CNOT1: variants seen among roughly 807,000 people sequenced by gnomAD.
CNOT1 encodes CCR4-NOT transcription complex subunit 1.
CNOT1 carries 15 observed loss-of-function variants against 273.8 expected under a neutral mutation model. The ratio of observed to expected loss-of-function variants is 0.05; its 90% confidence interval spans 0.04 to 0.08. The LOEUF (loss-of-function observed/expected upper bound fraction) is 0.08, where lower values mean the gene tolerates loss of function less well. Ranked by LOEUF, CNOT1 falls within the 10% of genes least tolerant of loss-of-function variation. CNOT1 has a pLI of 1.00. For synonymous variants in CNOT1, 1,022 were observed against 1,005.5 expected (o/e 1.02, Z -0.31); for missense variants, 1,644 against 2,912.2 (o/e 0.56, Z 10.02).
intron 16 of CNOT1, 115 bp from the exon 17 acceptor site, chr16:58,560,477 G>C (rs1014597428): frequency 2.1e-6 from 3 of 1,458,688 alleles, no homozygotes; most frequent in African/African-American, 1.4e-5. Context: ...CTGTCACCCA[G>C]ACTGGAGTGC....
intron 25 of CNOT1, chr16:58,548,478 G>A: frequency 2.0e-6 from 1 of 511,668 alleles, no homozygotes; most frequent in Non-Finnish European, 3.9e-6. Flanking sequence ...CTTGCTATCA[G>A]ATAATAAAAA....
In CNOT1 at chr16:58,547,433, G is replaced by C; in HGVS notation, c.3639+133C>G. 1 of 1,504,056 alleles carries C rather than the reference G, an allele frequency of 6.6e-7. No homozygotes were observed. The highest frequency in any genetic ancestry group is 8.9e-7 in the Non-Finnish European group (1 of 1,119,332). The allele number at this position is 1,504,056 out of a possible 1,614,324, so 93.2% of individuals were successfully genotyped here. A position where few individuals can be genotyped will look rare whatever the true frequency, so the allele number is the denominator to read the frequency against. On this transcript the variant is annotated intron_variant, in intron 26 of 48. Transcript: ENST00000317147. This position sits in a 1 kb window ranked among gnomAD's most constrained non-coding sequence, Gnocchi z 4.0. The stretch of plus-strand genomic sequence containing the variant: ...ATGTCTAGTCCTTGCCTTACAAAAA[G>C]GGGTTAACAACTCAAAACGTGGGCC...
At chr16:58,605,962 C>G (rs2042661868) in intron 1 of CNOT1, among the ~76,000 whole-genome samples, 1 of 152,082 alleles carries the variant, frequency 6.6e-6, no homozygotes, top group South Asian at 2.1e-4. Context: ...AGCCAAATTA[C>G]CTTGTTTCCC....
rs747411541 is a variant in CNOT1 at position 58,545,388 on chromosome 16, C to G, written c.4110G>C (p.Leu1370Phe). ...HDINVYSLAG[L>F]APHITLNPTI... ...TTGGATTCAGAGTAATGTGTGGTGC[C>G]AAGCCCGCAAGGGAATAGACATTGA... The change falls in exon 30 of 49, where the codon TTG becomes TTC. Residue 1370 changes from leucine (L) to phenylalanine (F), a missense_variant. Physicochemically the swap from Leu to Phe is conservative, Grantham distance 22. Around this residue, in one of 13 missense-constraint regions of CNOT1, gnomAD observed 133 missense variants for 230.4 expected, o/e 0.58. Transcript: ENST00000317147. 1.5e-5 allele frequency: 25 copies of G among 1,613,968 alleles called. No homozygotes were observed. The highest frequency in any genetic ancestry group is 2.1e-5 in the Non-Finnish European group (25 of 1,179,872).
intron 18 of CNOT1, among the ~76,000 whole-genome samples, chr16:58,558,125 C>T (rs964391990): frequency 6.6e-5 from 10 of 152,148 alleles, no homozygotes; most frequent in African/African-American, 2.4e-4. Context: ...ATAGTTTCTA[C>T]CTTTATTATA....
chr16:58,536,501 T>C (rs78334983), intron 39 of CNOT1, among the ~76,000 whole-genome samples: 2,282 of 152,260 alleles, frequency 0.015, 45 homozygotes, highest in African/African-American at 0.052. Context: ...CCAACTTGCA[T>C]CAAATCTAAT....
intron 1 of CNOT1, among the ~76,000 whole-genome samples, chr16:58,604,736 G>C (rs1336974928): frequency 6.7e-6 from 1 of 149,458 alleles, no homozygotes; most frequent in East Asian, 2.0e-4. Flanking sequence ...GGCAGAGGTT[G>C]CGGTGGGCCA....
intron 47 of CNOT1, among the ~76,000 whole-genome samples, chr16:58,521,649 T>A (rs9939133): frequency 0.39 from 59,329 of 152,088 alleles, 12,974 homozygotes; most frequent in African/African-American, 0.59. Context: ...CAAAAAGTAG[T>A]AATTTCCAGA....
chr16:58,622,848 CAAAAAAA>C (rs11372225), intron 1 of CNOT1, among the ~76,000 whole-genome samples: 1 of 104,436 alleles, frequency 9.6e-6, no homozygotes, highest in East Asian at 2.7e-4. Flanking sequence ...ACTCTTGACC[CAAAAAAA>C]AAAAAAAGAA....
intron 13 of CNOT1, among the ~76,000 whole-genome samples, chr16:58,577,736 T>C (rs1013145385): frequency 1.7e-4 from 26 of 151,632 alleles, no homozygotes; most frequent in African/African-American, 5.8e-4. Context: ...CTACTTAGGA[T>C]GGCTGAGGCA....
chr16:58,591,895 A>T (rs2042070882), intron 2 of CNOT1, among the ~76,000 whole-genome samples: 1 of 151,862 alleles, frequency 6.6e-6, no homozygotes, highest in African/African-American at 2.4e-5. Flanking sequence ...TTTTTCAACC[A>T]TTCCATATAA....
At position 58,595,133 on chromosome 16, in the gene CNOT1, G is replaced by A. The variant is rs1236941517; in HGVS notation, c.102+4103C>T. Reference sequence around the variant, plus strand: ...CGTCAAAAAAAAAAACAAAAAAGGTGAATTTTACAACCTATGGATATTTCA... The same window carrying A: ...CGTCAAAAAAAAAAACAAAAAAGGTAAATTTTACAACCTATGGATATTTCA... On this transcript the variant is annotated intron_variant, in intron 2 of 48. Transcript: ENST00000317147. Among the ~76,000 whole-genome samples, 3 of 150,544 alleles carry A rather than the reference G, an allele frequency of 2.0e-5. No individual in the cohort carries two copies. In the East Asian group the frequency reaches 5.9e-4, roughly 29 times the overall value.
chr16:58,595,718 G>C (rs542691550), intron 2 of CNOT1, among the ~76,000 whole-genome samples: 2 of 152,088 alleles, frequency 1.3e-5, no homozygotes, highest in Non-Finnish European at 2.9e-5. Flanking sequence ...ATCCTCCAGG[G>C]AAGGGGCCCT....
Position 58,574,697 on chromosome 16 carries a change from G to A in CNOT1, c.1891C>T (p.Leu631Phe). The change falls in exon 16 of 49, where the codon CTT becomes TTT. Residue 631 changes from leucine to phenylalanine, a missense_variant. Around this residue, in one of 13 missense-constraint regions of CNOT1, gnomAD observed 706 missense variants for 1,021.2 expected, o/e 0.69. Transcript: ENST00000317147. ...TTGGGCTGGTCTTTTTCTGGGGCAA[G>A]TCCGCCCAAAATAGAAGGACACCGT... is the stretch of plus-strand genomic sequence containing the variant. The part of the protein sequence containing the change: ...KRRCPSILGG[L>F]APEKDQPKSA... 6.2e-7 allele frequency: 1 copy of A among 1,608,886 alleles called. No homozygotes were observed. The highest frequency in any genetic ancestry group is 8.5e-7 in the Non-Finnish European group (1 of 1,179,112).
chr16:58,566,479 C>T (rs959925010), intron 16 of CNOT1, among the ~76,000 whole-genome samples: 3 of 152,194 alleles, frequency 2.0e-5, no homozygotes, highest in African/African-American at 7.2e-5. Context: ...GCAATTTTAA[C>T]AGGCAATTAA....
At chr16:58,558,295 T>G (rs1420004626) in intron 18 of CNOT1, among the ~76,000 whole-genome samples, 178 bp downstream of exon 18, 1 of 152,212 alleles carries the variant, frequency 6.6e-6, no homozygotes, top group Admixed American at 6.5e-5. Context: ...TTCCTCCAAT[T>G]AGACTGAATT....
In CNOT1 at chr16:58,553,878, C is replaced by A; in HGVS notation, c.2892-18G>T. The stretch of plus-strand genomic sequence containing the variant: ...CCTTCAATCTGCCAACAAAATTATT[C>A]TACCATCATTTCATGTCAGAACAGA... On this transcript the variant is annotated intron_variant, in intron 21 of 48. Coordinates refer to ENST00000317147, the MANE Select transcript of CNOT1 (RefSeq NM_016284.5). The A allele has an allele frequency of 6.2e-7, 1 of 1,602,446 alleles. No individual in the cohort carries two copies. The highest frequency in any genetic ancestry group is 2.3e-5 in the East Asian group (1 of 43,786).
At chr16:58,595,305 G>A (rs1044904132) in intron 2 of CNOT1, among the ~76,000 whole-genome samples, 4 of 150,442 alleles carry the variant, frequency 2.7e-5, no homozygotes, top group African/African-American at 9.8e-5. Context: ...CTACCATATT[G>A]TTCCCCGCAC....
chr16:58,587,110 A>T (rs2041899736), intron 6 of CNOT1, 91 bp downstream of exon 6: 2 of 1,475,700 alleles, frequency 1.4e-6, no homozygotes, highest in East Asian at 2.3e-5. Flanking sequence ...AGATTATCTT[A>T]CTCTCTAAGT....
Sources: gnomAD v4.1 joint callset for allele counts (sites outside exome capture counted in the v4.1 genomes callset) on GRCh38, gnomAD v4.1.1 for gene constraint, gnomAD v4.1.1 regional missense constraint, Gnocchi (gnomAD v3.1) non-coding constraint, MANE v1.5 for transcripts, NCBI Gene and HGNC (gene_info 2026-07-23, HGNC 2026-07-21) for gene names.